Variants in SGCD observed in about 807,000 individuals in gnomAD.
The protein encoded by SGCD is sarcoglycan delta, also known as delta-sarcoglycan.
SGCD carries 18 observed loss-of-function variants against 36.6 expected under a neutral mutation model. That is an observed-to-expected ratio of 0.49 (90% CI 0.34 to 0.73). SGCD has a LOEUF of 0.73. Ranked by LOEUF, SGCD falls within the 30% of genes least tolerant of loss-of-function variation. The pLI is 0.01. For synonymous variants in SGCD, 133 were observed against 130.6 expected (o/e 1.02, Z -0.12); for missense variants, 387 against 346.7 (o/e 1.12, Z -0.92).
At chr5:156,524,275 TAA>T (rs1757557455) in intron 4 of SGCD, among the ~76,000 whole-genome samples, 3 of 114,142 alleles carry the variant, frequency 2.6e-5, no homozygotes, top group African/African-American at 6.8e-5. Context: ...TTATATATAG[TAA>T]TATATATAGT....
the SGCD span, among the ~76,000 whole-genome samples, chr5:155,738,694 G>A: frequency 7.1e-6 from 1 of 140,704 alleles, no homozygotes; most frequent in Admixed American, 6.9e-5. Context: ...GTGTGAGAGT[G>A]TATATGAGAG....
At chr5:156,458,576 C>A in intron 3 of SGCD, 1 of 909,366 alleles carries the variant, frequency 1.1e-6, no homozygotes, top group Non-Finnish European at 1.8e-6. Context: ...AATTCAGCAC[C>A]TTGATTAACA....
chr5:156,403,814 G>A (rs190828172), intron 3 of SGCD, among the ~76,000 whole-genome samples: 16 of 150,524 alleles, frequency 1.1e-4, no homozygotes, highest in Non-Finnish European at 1.6e-4. Context: ...GGAGAGAAGG[G>A]CATGATATTC....
At chr5:156,418,057 G>A (rs1338733287) in intron 3 of SGCD, among the ~76,000 whole-genome samples, 1 of 152,158 alleles carries the variant, frequency 6.6e-6, no homozygotes, top group Non-Finnish European at 1.5e-5. Flanking sequence ...TCGTAGACAT[G>A]TAGATCTCAG....
chr5:156,427,116 C>T (rs555299131), intron 3 of SGCD, among the ~76,000 whole-genome samples: 4 of 152,198 alleles, frequency 2.6e-5, no homozygotes, highest in African/African-American at 9.6e-5. Flanking sequence ...TCCATTGAAT[C>T]AGTAGATTCC....
At chr5:156,124,026 G>A (rs1581113374) in intron 3 of SGCD, 1 of 152,144 alleles carries the variant, frequency 6.6e-6, no homozygotes, top group African/African-American at 2.4e-5. Flanking sequence ...TAAGGTATGA[G>A]TTTGTGACTT....
intron 1 of SGCD, among the ~76,000 whole-genome samples, chr5:155,971,120 T>A (rs553519869): frequency 2.0e-5 from 3 of 152,188 alleles, no homozygotes; most frequent in African/African-American, 7.2e-5. Flanking sequence ...TTTGGGAAGA[T>A]CACCATCTGT....
intron 3 of SGCD, among the ~76,000 whole-genome samples, chr5:156,291,992 T>A (rs1298892155): frequency 6.6e-6 from 1 of 152,072 alleles, no homozygotes; most frequent in Non-Finnish European, 1.5e-5. Context: ...TTGAAAAACA[T>A]CTTCCCAACC....
At chr5:155,882,605 CAG>C (rs1413840766) in intron 1 of SGCD, among the ~76,000 whole-genome samples, 4 of 152,200 alleles carry the variant, frequency 2.6e-5, no homozygotes, top group Admixed American at 2.6e-4. Context: ...ACATCCCCAT[CAG>C]AGTTCTGAGG....
intron 1 of SGCD, among the ~76,000 whole-genome samples, chr5:155,977,918 A>G (rs1758150887): frequency 1.3e-5 from 2 of 152,070 alleles, no homozygotes; most frequent in South Asian, 4.2e-4. Flanking sequence ...ACATGGTGAA[A>G]CCCGGTATCT....
Position 156,152,873 on chromosome 5 carries a change from A to G in SGCD, c.-44+28854A>G, listed in dbSNP as rs200268320. 2.6e-5 allele frequency among the ~76,000 whole-genome samples: 4 copies of G among 151,568 alleles called. No individual in the cohort carries two copies. The East Asian group carries it at 7.7e-4, about 29-fold the overall frequency. On this transcript the variant is annotated intron_variant, in intron 3 of 9. Transcript: ENST00000517913. Reference sequence around the variant, plus strand: ...ATATGTATTTTTTTCAAAGTTAGGAATTCTATGAGTCTGCTTCTTTTCTTC... The same window carrying G: ...ATATGTATTTTTTTCAAAGTTAGGAGTTCTATGAGTCTGCTTCTTTTCTTC...
chr5:155,844,207 C>T, the SGCD span, among the ~76,000 whole-genome samples: 1 of 152,138 alleles, frequency 6.6e-6, no homozygotes, highest in African/African-American at 2.4e-5. Context: ...CACAGAGACA[C>T]ACCTCTTCGA....
chr5:156,554,628 G>A (rs894274078), intron 4 of SGCD, among the ~76,000 whole-genome samples: 1 of 148,240 alleles, frequency 6.7e-6, no homozygotes, highest in Non-Finnish European at 1.5e-5. Context: ...ATATAAACAT[G>A]TGCATATAAT....
chr5:155,835,090 C>T, the SGCD span, among the ~76,000 whole-genome samples: 1 of 142,676 alleles, frequency 7.0e-6, no homozygotes, highest in Non-Finnish European at 1.5e-5. Context: ...TCAACGCAAT[C>T]TCCGCCTCCC....
At chr5:156,583,324 A>G (rs1322104086) in intron 4 of SGCD, among the ~76,000 whole-genome samples, 2 of 152,172 alleles carry the variant, frequency 1.3e-5, no homozygotes, top group East Asian at 3.9e-4. Flanking sequence ...CCTGTAGCTC[A>G]GTAAATGGCT....
At chr5:156,367,667 C>T (rs548671852) in intron 3 of SGCD, among the ~76,000 whole-genome samples, 4 of 152,306 alleles carry the variant, frequency 2.6e-5, no homozygotes, top group Non-Finnish European at 5.9e-5. Flanking sequence ...TATGGAAGCT[C>T]CCCTCTGACT....
chr5:155,967,542 C>A (rs1350349707), intron 1 of SGCD, among the ~76,000 whole-genome samples: 2 of 151,974 alleles, frequency 1.3e-5, no homozygotes, highest in Non-Finnish European at 2.9e-5. Flanking sequence ...TACTCCTATC[C>A]ATTTCAAGTA....
chr5:156,171,559 C>A (rs556524393), intron 3 of SGCD, among the ~76,000 whole-genome samples: 1 of 152,078 alleles, frequency 6.6e-6, no homozygotes, highest in Non-Finnish European at 1.5e-5. Context: ...CACATTGTTA[C>A]GGTAACATTT....
At chr5:156,017,221 CA>C (rs1156649704) in intron 1 of SGCD, among the ~76,000 whole-genome samples, 3 of 152,242 alleles carry the variant, frequency 2.0e-5, no homozygotes, top group African/African-American at 7.2e-5. Flanking sequence ...TCCCTCAATA[CA>C]AAAATGTTGC....
Sources: gnomAD v4.1 joint callset for allele counts (sites outside exome capture counted in the v4.1 genomes callset) on GRCh38, gnomAD v4.1.1 for gene constraint, MANE v1.5 for transcripts, NCBI Gene and HGNC (gene_info 2026-07-23, HGNC 2026-07-21) for gene names.